MAP2K1: variants seen among roughly 807,000 people sequenced by gnomAD.
The protein encoded by MAP2K1 is mitogen-activated protein kinase kinase 1.
In MAP2K1, 16 loss-of-function variants were observed where a neutral mutation model predicts 46.3. That is an observed-to-expected ratio of 0.35 (90% CI 0.23 to 0.52). The LOEUF is 0.52. Among genes scored for constraint, MAP2K1 ranks in the 20% least tolerant of loss-of-function variants. The pLI, the probability that MAP2K1 is intolerant of heterozygous loss-of-function variation, is 0.94. For synonymous variants in MAP2K1, 183 were observed against 185.6 expected (o/e 0.99, Z 0.11); for missense variants, 263 against 497.1 (o/e 0.53, Z 4.48).
chr15:66,395,749 G>C (rs888888149), intron 1 of MAP2K1, among the ~76,000 whole-genome samples: 2 of 150,192 alleles, frequency 1.3e-5, no homozygotes, highest in Non-Finnish European at 3.0e-5. Context: ...GCTAATTCTT[G>C]TTATTTTTAG....
rs571582167 is a variant in MAP2K1 at position 66,411,570 on chromosome 15, A to G, written c.81-23457A>G. On this transcript the variant is annotated intron_variant, in intron 1 of 10. Transcript: ENST00000307102. ...TGACCAAAGTCCTAAGAATGCCAATAATATTGGTTTTGCTATTGTCTTTTC... is the reference window on the plus strand; with the variant it reads ...TGACCAAAGTCCTAAGAATGCCAATGATATTGGTTTTGCTATTGTCTTTTC... Among the ~76,000 whole-genome samples the G allele has an allele frequency of 2.0e-5, 3 of 152,278 alleles. No homozygotes were observed. In the East Asian group the frequency reaches 5.8e-4, roughly 29 times the overall value.
intron 7 of MAP2K1, among the ~76,000 whole-genome samples, chr15:66,486,573 C>T (rs1893042685): frequency 6.6e-6 from 1 of 152,178 alleles, no homozygotes; most frequent in Admixed American, 6.5e-5. Context: ...AGTCTGACTC[C>T]CAAGATGATA....
intron 1 of MAP2K1, among the ~76,000 whole-genome samples, chr15:66,431,418 C>T (rs1329665817): frequency 6.6e-6 from 1 of 151,990 alleles, no homozygotes; most frequent in Admixed American, 6.6e-5. Flanking sequence ...TTTGTTTCAC[C>T]TTCAGATAAA....
intron 7 of MAP2K1, 147 bp downstream of exon 7, chr15:66,485,338 A>T: frequency 1.3e-6 from 1 of 760,068 alleles, no homozygotes; most frequent in South Asian, 1.8e-5. Flanking sequence ...GGGAAGCAGC[A>T]AGGGTCTCCA....
intron 1 of MAP2K1, among the ~76,000 whole-genome samples, chr15:66,412,049 CAA>C (rs1418130217): frequency 4.6e-5 from 7 of 152,140 alleles, no homozygotes; most frequent in African/African-American, 1.7e-4. Context: ...ACATTGGAGA[CAA>C]ATTATTGATG....
At chr15:66,464,782 C>T (rs1892420716) in intron 5 of MAP2K1, among the ~76,000 whole-genome samples, 2 of 151,800 alleles carry the variant, frequency 1.3e-5, no homozygotes, top group African/African-American at 2.4e-5. Flanking sequence ...CCTGCCTCGG[C>T]CTCCCAAAGT....
intron 6 of MAP2K1, among the ~76,000 whole-genome samples, chr15:66,484,413 G>T (rs1273993006): frequency 6.6e-6 from 1 of 152,172 alleles, no homozygotes; most frequent in Non-Finnish European, 1.5e-5. Context: ...CTCCCAAAGT[G>T]CTGGGATTAC....
intron 5 of MAP2K1, among the ~76,000 whole-genome samples, chr15:66,453,994 C>T (rs536646065): frequency 8.7e-4 from 132 of 152,278 alleles, no homozygotes; most frequent in African/African-American, 3.0e-3. Flanking sequence ...TGCTATGTAA[C>T]GAGGCTCCAA....
At chr15:66,432,735 C>A (rs1028075465) in intron 1 of MAP2K1, among the ~76,000 whole-genome samples, 3 of 152,200 alleles carry the variant, frequency 2.0e-5, no homozygotes, top group African/African-American at 7.2e-5. Context: ...GTAAGACATT[C>A]GTTCTCTCTG....
At chr15:66,457,502 T>G (rs1892195750) in intron 5 of MAP2K1, among the ~76,000 whole-genome samples, 1 of 152,226 alleles carries the variant, frequency 6.6e-6, no homozygotes, top group Non-Finnish European at 1.5e-5. Context: ...TGCCTGCTTT[T>G]GTGCTATAAT....
intron 5 of MAP2K1, among the ~76,000 whole-genome samples, chr15:66,456,114 T>C (rs1892160487): frequency 6.6e-6 from 1 of 152,174 alleles, no homozygotes; most frequent in Non-Finnish European, 1.5e-5. Flanking sequence ...AGTAATTCAT[T>C]TTGTAAAATA....
chr15:66,474,215 G>A (rs1892704871), intron 5 of MAP2K1, among the ~76,000 whole-genome samples: 1 of 152,132 alleles, frequency 6.6e-6, no homozygotes, highest in African/African-American at 2.4e-5. Context: ...TCTGGGCTTG[G>A]TTGTAAAAAT....
intron 3 of MAP2K1, among the ~76,000 whole-genome samples, chr15:66,441,813 A>G (rs2093504719): frequency 6.6e-6 from 1 of 152,082 alleles, no homozygotes; most frequent in African/African-American, 2.4e-5. Flanking sequence ...ATAGAAGATG[A>G]TGATAACTGC....
Position 66,438,276 on chromosome 15 carries a change from A to T in MAP2K1, c.438+1384A>T, listed in dbSNP as rs573730787. Among the ~76,000 whole-genome samples the T allele has an allele frequency of 1.5e-3, 222 of 151,820 alleles. 1 individual carries two copies. Among genetic ancestry groups the T allele is most frequent in the African/African-American group, 5.1e-3 (212 of 41,420 alleles). On this transcript the variant is annotated intron_variant, in intron 3 of 10. Coordinates refer to ENST00000307102, the MANE Select transcript of MAP2K1 (RefSeq NM_002755.4). ...TAATTTTTTTCTATCATTACTAGAGATGGGGTTTCACCATGTTGGCCAGGC... is the reference window on the plus strand; with the variant it reads ...TAATTTTTTTCTATCATTACTAGAGTTGGGGTTTCACCATGTTGGCCAGGC...
chr15:66,425,351 G>C (rs2093455240), intron 1 of MAP2K1, among the ~76,000 whole-genome samples: 1 of 152,238 alleles, frequency 6.6e-6, no homozygotes, highest in South Asian at 2.1e-4. Flanking sequence ...TCGTTTGCAT[G>C]GTTCCTAATG....
At chr15:66,459,255 G>A (rs1028954975) in intron 5 of MAP2K1, among the ~76,000 whole-genome samples, 3 of 145,484 alleles carry the variant, frequency 2.1e-5, no homozygotes, top group Non-Finnish European at 4.5e-5. Context: ...TGAGGTTGCA[G>A]TGAGCCAAAA....
intron 3 of MAP2K1, among the ~76,000 whole-genome samples, chr15:66,438,103 T>A (rs1400764653): frequency 6.6e-6 from 1 of 151,750 alleles, no homozygotes; most frequent in Non-Finnish European, 1.5e-5. Flanking sequence ...TTTTTGTTTT[T>A]TTAGACAGAG....
At chr15:66,429,882 C>T (rs1213979786) in intron 1 of MAP2K1, among the ~76,000 whole-genome samples, 2 of 152,032 alleles carry the variant, frequency 1.3e-5, no homozygotes, top group Admixed American at 6.6e-5. Context: ...TCTCATATTG[C>T]CCCCTGTCCA....
chr15:66,442,976 G>A (rs989292240), intron 3 of MAP2K1, among the ~76,000 whole-genome samples: 6 of 151,992 alleles, frequency 3.9e-5, no homozygotes, highest in African/African-American at 1.2e-4. Context: ...AGTGGGGTAC[G>A]AAGCTTCCAT....
Sources: gnomAD v4.1 joint callset for allele counts (sites outside exome capture counted in the v4.1 genomes callset) on GRCh38, gnomAD v4.1.1 for gene constraint, MANE v1.5 for transcripts, NCBI Gene and HGNC (gene_info 2026-07-23, HGNC 2026-07-21) for gene names.